Variants in SCFD2 observed in about 807,000 individuals in gnomAD.
The protein encoded by SCFD2 is sec1 family domain containing 2.
Under a neutral mutation model 58.9 loss-of-function variants are expected in SCFD2, and 54 were observed. That is an observed-to-expected ratio of 0.92 (90% CI 0.74 to 1.15). SCFD2 has a LOEUF of 1.15. Ranked by LOEUF, SCFD2 falls within the 50% of genes most tolerant of loss-of-function variation. The pLI is 0.00. For missense variants in SCFD2, 805 were observed against 836.6 expected, an observed-to-expected ratio of 0.96 and a Z score of 0.47; for synonymous variants, 321 against 335.9, an observed-to-expected ratio of 0.96 and a Z score of 0.49.
At chr4:53,198,362 A>C (rs1392404687) in intron 4 of SCFD2, among the ~76,000 whole-genome samples, 1 of 151,998 alleles carries the variant, frequency 6.6e-6, no homozygotes, top group African/African-American at 2.4e-5. Flanking sequence ...TTATAAATTC[A>C]AACAGGATTT....
chr4:53,140,412 T>TATATATATATATATATATATATATATAA (rs1560353891), intron 5 of SCFD2, among the ~76,000 whole-genome samples: 5 of 143,518 alleles, frequency 3.5e-5, no homozygotes, highest in Non-Finnish European at 6.1e-5. Context: ...TATATATATA[T>TATATATATATATATATATATATATATAA]AAATTTTAAT....
At chr4:53,313,817 A>G (rs1429729159) in intron 2 of SCFD2, 54 bp from the exon 3 acceptor site, 1 of 1,559,388 alleles carries the variant, frequency 6.4e-7, no homozygotes, top group Non-Finnish European at 8.8e-7. Flanking sequence ...GGATACTGGA[A>G]AGGGTTGAAA....
At chr4:52,962,666 A>C (rs145832563) in intron 5 of SCFD2, among the ~76,000 whole-genome samples, 354 of 149,808 alleles carry the variant, frequency 2.4e-3, no homozygotes, top group Admixed American at 4.7e-3. Flanking sequence ...TGATGAAAAT[A>C]GTTTAGAGGG....
At chr4:53,355,454 C>A (rs1734372915) in intron 1 of SCFD2, among the ~76,000 whole-genome samples, 1 of 152,072 alleles carries the variant, frequency 6.6e-6, no homozygotes, top group African/African-American at 2.4e-5. Flanking sequence ...GGCAACTTGC[C>A]CAAGGACTTT....
At chr4:53,056,833 G>A (rs1723354004) in intron 5 of SCFD2, among the ~76,000 whole-genome samples, 1 of 152,030 alleles carries the variant, frequency 6.6e-6, no homozygotes, top group Non-Finnish European at 1.5e-5. Flanking sequence ...GGATGAAGAA[G>A]GAAGAGTAAT....
At chr4:53,103,802 G>C (rs1724902251) in intron 5 of SCFD2, among the ~76,000 whole-genome samples, 2 of 135,800 alleles carry the variant, frequency 1.5e-5, no homozygotes, top group African/African-American at 5.3e-5. Context: ...GCATGGGGTA[G>C]GGGATGGGAG....
chr4:53,112,801 T>G (rs559689824), intron 5 of SCFD2, among the ~76,000 whole-genome samples: 124 of 152,116 alleles, frequency 8.2e-4, no homozygotes, highest in African/African-American at 2.9e-3. Context: ...TCTACCCACT[T>G]CTCTCAACTG....
At chr4:53,254,802 ATTT>A (rs1189851171) in intron 4 of SCFD2, among the ~76,000 whole-genome samples, 34 of 134,618 alleles carry the variant, frequency 2.5e-4, no homozygotes, top group Admixed American at 2.1e-3. Flanking sequence ...TGTTTATTTT[ATTT>A]TTTTATTTTA....
At chr4:52,976,012 G>A (rs1357581619) in intron 5 of SCFD2, among the ~76,000 whole-genome samples, 2 of 126,318 alleles carry the variant, frequency 1.6e-5, no homozygotes, top group East Asian at 5.6e-4. Flanking sequence ...ATCACACACT[G>A]GGGCCTGTTG....
chr4:52,901,752 CA>C (rs377346314), intron 7 of SCFD2, among the ~76,000 whole-genome samples: 40 of 152,280 alleles, frequency 2.6e-4, no homozygotes, highest in African/African-American at 9.1e-4. Context: ...CTTCTCTGGA[CA>C]ATCTGATTTC....
At chr4:53,186,740 A>G (rs2148953961) in intron 4 of SCFD2, among the ~76,000 whole-genome samples, 1 of 152,172 alleles carries the variant, frequency 6.6e-6, no homozygotes, top group African/African-American at 2.4e-5. Flanking sequence ...CACCAAGAGC[A>G]AAATCAAGCA....
intron 3 of SCFD2, among the ~76,000 whole-genome samples, chr4:53,279,337 G>C (rs1731436373): frequency 6.6e-6 from 1 of 152,002 alleles, no homozygotes; most frequent in African/African-American, 2.4e-5. Context: ...GCCCAGGTTG[G>C]TATCAAACTG....
intron 5 of SCFD2, among the ~76,000 whole-genome samples, chr4:53,087,272 T>C (rs1048834264): frequency 1.3e-5 from 2 of 152,212 alleles, no homozygotes; most frequent in Non-Finnish European, 2.9e-5. Flanking sequence ...ACATAGAAGA[T>C]AGAACTTCTA....
chr4:53,077,441 T>G (rs1724010190), intron 5 of SCFD2, among the ~76,000 whole-genome samples: 1 of 152,092 alleles, frequency 6.6e-6, no homozygotes, highest in African/African-American at 2.4e-5. Context: ...ATTTATTTTT[T>G]ATTTATTATT....
At chr4:53,123,549 C>A (rs1461996777) in intron 5 of SCFD2, among the ~76,000 whole-genome samples, 1 of 151,286 alleles carries the variant, frequency 6.6e-6, no homozygotes, top group African/African-American at 2.4e-5. Context: ...GGGGCACTGA[C>A]AAACATTCCT....
chr4:53,267,682 G>A (rs1731033339), intron 4 of SCFD2, among the ~76,000 whole-genome samples: 1 of 152,144 alleles, frequency 6.6e-6, no homozygotes, highest in Non-Finnish European at 1.5e-5. Context: ...CTGACTTCGA[G>A]TAATCCTCCT....
intron 4 of SCFD2, among the ~76,000 whole-genome samples, chr4:53,198,291 T>C (rs1728121040): frequency 6.6e-6 from 1 of 152,060 alleles, no homozygotes; most frequent in East Asian, 1.9e-4. Flanking sequence ...ATCTTCATCT[T>C]CAATTTCAAC....
At chr4:53,213,916 T>G (rs955826886) in intron 4 of SCFD2, among the ~76,000 whole-genome samples, 6 of 152,094 alleles carry the variant, frequency 3.9e-5, no homozygotes, top group Non-Finnish European at 8.8e-5. Flanking sequence ...TTTGGTTTTT[T>G]GTCCTTGCGA....
At chr4:53,294,221 T>C (rs972843676) in intron 3 of SCFD2, among the ~76,000 whole-genome samples, 3 of 152,336 alleles carry the variant, frequency 2.0e-5, no homozygotes, top group Admixed American at 6.5e-5. Context: ...ATCACCACAC[T>C]GTCTTCCACA....
Sources: gnomAD v4.1 joint callset for allele counts (sites outside exome capture counted in the v4.1 genomes callset) on GRCh38, gnomAD v4.1.1 for gene constraint, MANE v1.5 for transcripts, NCBI Gene and HGNC (gene_info 2026-07-23, HGNC 2026-07-21) for gene names.